Variants in AEBP2 observed in about 807,000 individuals in gnomAD.
The protein encoded by AEBP2 is AE binding protein 2.
In AEBP2, 10 loss-of-function variants were observed where a neutral mutation model predicts 50.8. The observed-to-expected ratio is 0.20, with a 90% CI of 0.12 to 0.33. The LOEUF is 0.33. Among genes scored for constraint, AEBP2 ranks in the 10% least tolerant of loss-of-function variants. AEBP2 has a pLI of 1.00. For synonymous variants in AEBP2, 296 were observed against 261.3 expected (o/e 1.13, Z -1.28); for missense variants, 570 against 688.0 (o/e 0.83, Z 1.92).
chr12:19,504,607 G>C (rs981203031), intron 5 of AEBP2, among the ~76,000 whole-genome samples: 3 of 152,018 alleles, frequency 2.0e-5, no homozygotes, highest in Non-Finnish European at 4.4e-5. Context: ...ATGGATTCCA[G>C]GATGAGAACT....
At chr12:19,443,892 C>G (rs1484735077) in intron 1 of AEBP2, among the ~76,000 whole-genome samples, 1 of 151,828 alleles carries the variant, frequency 6.6e-6, no homozygotes, top group African/African-American at 2.4e-5. Flanking sequence ...TTTTTCAAAA[C>G]CAGTGTAAGT....
intron 3 of AEBP2, among the ~76,000 whole-genome samples, chr12:19,475,513 C>T (rs2153372800): frequency 6.6e-6 from 1 of 152,092 alleles, no homozygotes; most frequent in Admixed American, 6.5e-5. Flanking sequence ...GATTGAAGGG[C>T]ACACTTGTGT....
At chr12:19,472,141 T>G (rs1254415464) in intron 2 of AEBP2, among the ~76,000 whole-genome samples, 1 of 152,210 alleles carries the variant, frequency 6.6e-6, no homozygotes, top group Non-Finnish European at 1.5e-5. Context: ...ATTATTTGTT[T>G]ATAGACTGTC....
intron 3 of AEBP2, among the ~76,000 whole-genome samples, chr12:19,480,716 A>G (rs1948714625): frequency 6.6e-6 from 1 of 152,146 alleles, no homozygotes; most frequent in African/African-American, 2.4e-5. Flanking sequence ...ACAACTCGTA[A>G]TATTCTTTCC....
At position 19,518,879 on chromosome 12, in the gene AEBP2, G is replaced by A. The variant is rs991198893; in HGVS notation, c.*762G>A. On this transcript the variant is annotated 3_prime_UTR_variant, in exon 8 of 8. Coordinates refer to ENST00000266508, the MANE Select transcript of AEBP2 (RefSeq NM_153207.5). ...TTACCTATATAACTAATCTGTTAAC[G>A]GTTTTTGAAAAACCTTTCAAATTAT... 31 of 452,890 alleles carry A rather than the reference G, an allele frequency of 6.8e-5. No individual in the cohort carries two copies. Among genetic ancestry groups the A allele is most frequent in the Non-Finnish European group, 1.4e-5 (4 of 275,908 alleles). The allele number at this position is 452,890 out of a possible 1,614,324, so 28.1% of individuals were successfully genotyped here.
chr12:19,517,682 G>GT (rs1949340412), intron 7 of AEBP2, among the ~76,000 whole-genome samples: 3 of 152,166 alleles, frequency 2.0e-5, no homozygotes, highest in Admixed American at 2.0e-4. Flanking sequence ...GGGGTTTGTT[G>GT]TTTTTGAGAC....
intron 1 of AEBP2, chr12:19,457,278 A>C (rs1948285664): frequency 1.3e-6 from 2 of 1,578,012 alleles, no homozygotes; most frequent in South Asian, 1.1e-5. Flanking sequence ...ATTCACCAAC[A>C]CTGGCAGCAA....
chr12:19,517,978 C>A, intron 7 of AEBP2, 109 bp from the exon 8 acceptor site: 1 of 990,768 alleles, frequency 1.0e-6, no homozygotes, highest in East Asian at 2.9e-5. Flanking sequence ...TTATTATAAT[C>A]TATGATCATC....
intron 5 of AEBP2, among the ~76,000 whole-genome samples, chr12:19,510,009 T>G (rs1352649374): frequency 6.6e-6 from 1 of 151,866 alleles, no homozygotes; most frequent in African/African-American, 2.4e-5. Flanking sequence ...ATTTTTATAT[T>G]TTTAGTAGAG....
intron 3 of AEBP2, among the ~76,000 whole-genome samples, chr12:19,476,021 A>G (rs35608408): frequency 0.09 from 13,746 of 152,182 alleles, 703 homozygotes; most frequent in Middle Eastern, 0.15. Flanking sequence ...AGAAGCTGAT[A>G]ATCTGCTGAT....
intron 6 of AEBP2, among the ~76,000 whole-genome samples, chr12:19,514,240 T>C (rs1565739565): frequency 6.6e-6 from 1 of 152,094 alleles, no homozygotes; most frequent in African/African-American, 2.4e-5. Flanking sequence ...GCTCAAGTTA[T>C]CTTCCCCCCT....
At chr12:19,454,256 G>C (rs1255335501) in intron 1 of AEBP2, among the ~76,000 whole-genome samples, 2 of 152,104 alleles carry the variant, frequency 1.3e-5, no homozygotes, top group Non-Finnish European at 2.9e-5. Flanking sequence ...AGACAACATT[G>C]TTTATTGACT....
chr12:19,515,350 C>T (rs909172925), intron 7 of AEBP2, among the ~76,000 whole-genome samples: 11 of 152,070 alleles, frequency 7.2e-5, no homozygotes, highest in Admixed American at 4.6e-4. Flanking sequence ...AGTCACTTTG[C>T]TAGGTGCTTT....
chr12:19,465,834 C>T (rs1332632260), intron 2 of AEBP2, among the ~76,000 whole-genome samples: 5 of 146,244 alleles, frequency 3.4e-5, no homozygotes, highest in African/African-American at 1.0e-4. Context: ...CTCTGTTTCC[C>T]GGGCTGGAGT....
intron 2 of AEBP2, among the ~76,000 whole-genome samples, chr12:19,467,161 C>T (rs1948491337): frequency 6.6e-6 from 1 of 152,118 alleles, no homozygotes; most frequent in African/African-American, 2.4e-5. Flanking sequence ...TTGCCTTGGC[C>T]TCCCAAAGTG....
chr12:19,494,737 T>C (rs1948945908), intron 4 of AEBP2, among the ~76,000 whole-genome samples: 1 of 152,036 alleles, frequency 6.6e-6, no homozygotes, highest in Admixed American at 6.6e-5. Flanking sequence ...TTGTAACATA[T>C]GTATAATGTT....
rs1338335023 is a variant in AEBP2 at position 19,518,540 on chromosome 12, A to T, written c.*423A>T. Reference sequence around the variant, plus strand: ...TACAAATACCAAAAGCACTGTAAGGATATTTGTCTTGACAGTGTTTATTGA... The same window carrying T: ...TACAAATACCAAAAGCACTGTAAGGTTATTTGTCTTGACAGTGTTTATTGA... On this transcript the variant is annotated 3_prime_UTR_variant, in exon 8 of 8. Transcript: ENST00000266508. 2.3e-6 allele frequency: 3 copies of T among 1,296,454 alleles called. No homozygotes were observed. The highest frequency in any genetic ancestry group is 1.5e-5 in the African/African-American group (1 of 66,274). 80.3% of individuals were successfully genotyped at this position (1,296,454 alleles called of 1,614,324 possible). A position where few individuals can be genotyped will look rare whatever the true frequency, so the allele number is the denominator to read the frequency against.
intron 1 of AEBP2, among the ~76,000 whole-genome samples, chr12:19,452,252 C>G (rs965834984): frequency 6.6e-6 from 1 of 152,120 alleles, no homozygotes; most frequent in Non-Finnish European, 1.5e-5. Context: ...CTCGACCTCC[C>G]AAAGTGCTGG....
intron 1 of AEBP2, among the ~76,000 whole-genome samples, chr12:19,426,344 G>C (rs2095748565): frequency 6.6e-6 from 1 of 152,208 alleles, no homozygotes; most frequent in Admixed American, 6.5e-5. Flanking sequence ...CACCTAAAAG[G>C]ACAGAGGAGA....
Sources: allele counts gnomAD v4.1 joint callset (sites outside exome capture counted in the v4.1 genomes callset), GRCh38; gene constraint gnomAD v4.1.1; transcripts MANE v1.5; gene names NCBI Gene and HGNC (gene_info 2026-07-23, HGNC 2026-07-21).